ARSB: variants seen among roughly 807,000 people sequenced by gnomAD.
ARSB encodes the protein N-acetylgalactosamine-4-sulfatase.
In ARSB, 41 loss-of-function variants were observed where a neutral mutation model predicts 50.9. That is an observed-to-expected ratio of 0.81 (90% CI 0.63 to 1.04). The LOEUF is 1.04. Ranked by LOEUF, ARSB falls within the 50% of genes least tolerant of loss-of-function variation. The probability of loss-of-function intolerance (pLI) is 0.00; values close to 1 mark genes in which losing one functional copy is unlikely to be tolerated. For missense variants in ARSB, 672 were observed against 693.3 expected, an observed-to-expected ratio of 0.97 and a Z score of 0.35; for synonymous variants, 269 against 284.8, an observed-to-expected ratio of 0.94 and a Z score of 0.56.
At chr5:78,959,033 T>G (rs1477653458) in intron 3 of ARSB, among the ~76,000 whole-genome samples, 1 of 152,120 alleles carries the variant, frequency 6.6e-6, no homozygotes, top group Non-Finnish European at 1.5e-5. Flanking sequence ...CCACCCAAAT[T>G]TCATCTTTAA....
At chr5:78,891,697 G>A (rs535308101) in intron 4 of ARSB, among the ~76,000 whole-genome samples, 3 of 152,306 alleles carry the variant, frequency 2.0e-5, no homozygotes, top group Admixed American at 1.3e-4. Flanking sequence ...ACAGGGAGCA[G>A]GAGGCCTTAT....
chr5:78,864,766 G>A (rs1381593581), intron 5 of ARSB, among the ~76,000 whole-genome samples: 1 of 152,216 alleles, frequency 6.6e-6, no homozygotes, highest in Non-Finnish European at 1.5e-5. Flanking sequence ...GGGGGATACA[G>A]ACATTGGGTA....
intron 4 of ARSB, among the ~76,000 whole-genome samples, chr5:78,922,408 G>A (rs891112768): frequency 1.3e-5 from 2 of 151,898 alleles, no homozygotes; most frequent in African/African-American, 4.8e-5. Flanking sequence ...CCCATTCCAG[G>A]CCCTACCTCC....
At chr5:78,887,475 C>T (rs1580002985) in intron 4 of ARSB, among the ~76,000 whole-genome samples, 1 of 152,254 alleles carries the variant, frequency 6.6e-6, no homozygotes, top group East Asian at 1.9e-4. Context: ...AATTAGACTT[C>T]CACATGAGCT....
chr5:78,796,879 C>CTTTTTT (rs1342063568), intron 6 of ARSB, among the ~76,000 whole-genome samples: 7,425 of 126,030 alleles, frequency 0.059, 358 homozygotes, highest in Non-Finnish European at 0.091. Flanking sequence ...GTCTCGATCT[C>CTTTTTT]TTTTTTTTTT....
At chr5:78,944,002 T>G (rs1751077392) in intron 4 of ARSB, among the ~76,000 whole-genome samples, 1 of 152,186 alleles carries the variant, frequency 6.6e-6, no homozygotes. Context: ...TCTCTAAACT[T>G]CTCTTCTCAC....
At chr5:78,833,561 A>T (rs1441760972) in intron 6 of ARSB, among the ~76,000 whole-genome samples, 1 of 152,126 alleles carries the variant, frequency 6.6e-6, no homozygotes, top group Non-Finnish European at 1.5e-5. Context: ...GAGGCAGTGG[A>T]GGGAGGAAGG....
At chr5:78,928,083 A>G (rs763536944) in intron 4 of ARSB, among the ~76,000 whole-genome samples, 3 of 152,148 alleles carry the variant, frequency 2.0e-5, no homozygotes, top group South Asian at 2.1e-4. Flanking sequence ...GGGGAGTCAC[A>G]TTAACCATCA....
intron 4 of ARSB, among the ~76,000 whole-genome samples, chr5:78,946,585 G>A (rs1053991075): frequency 1.2e-4 from 18 of 152,044 alleles, no homozygotes; most frequent in African/African-American, 4.3e-4. Context: ...TAGTGAAAGG[G>A]CTCTACAATG....
intron 1 of ARSB, among the ~76,000 whole-genome samples, chr5:78,984,727 G>C (rs914961941): frequency 6.6e-6 from 1 of 152,062 alleles, no homozygotes; most frequent in Non-Finnish European, 1.5e-5. Context: ...GCGGGTCCGC[G>C]GGGCGCCAGA....
intron 6 of ARSB, among the ~76,000 whole-genome samples, chr5:78,806,049 T>A (rs1355847239): frequency 6.6e-6 from 1 of 152,262 alleles, no homozygotes; most frequent in East Asian, 1.9e-4. Context: ...ATTGGGTTTC[T>A]GTGAGCGTTA....
intron 4 of ARSB, among the ~76,000 whole-genome samples, chr5:78,897,827 G>T (rs1352552581): frequency 6.6e-6 from 1 of 151,722 alleles, no homozygotes; most frequent in African/African-American, 2.4e-5. Flanking sequence ...TGCACTAAAA[G>T]CTGCTTTAAT....
chr5:78,920,864 T>C (rs987734531), intron 4 of ARSB, among the ~76,000 whole-genome samples: 1 of 152,092 alleles, frequency 6.6e-6, no homozygotes, highest in Non-Finnish European at 1.5e-5. Flanking sequence ...CCTAACTTTT[T>C]CCCACCCTCC....
chr5:78,961,516 A>G (rs1319823897), intron 3 of ARSB, among the ~76,000 whole-genome samples: 1 of 152,174 alleles, frequency 6.6e-6, no homozygotes, highest in African/African-American at 2.4e-5. Context: ...TTCCATGGCT[A>G]GCAAGCTTTT....
chr5:78,867,546 C>T (rs1312929352), intron 5 of ARSB, among the ~76,000 whole-genome samples: 3 of 152,038 alleles, frequency 2.0e-5, no homozygotes, highest in Non-Finnish European at 4.4e-5. Context: ...AGGCACCCCC[C>T]AGCAGGGGCA....
intron 5 of ARSB, among the ~76,000 whole-genome samples, chr5:78,854,350 T>C (rs770141503): frequency 3.9e-5 from 6 of 152,266 alleles, no homozygotes; most frequent in Non-Finnish European, 7.3e-5. Context: ...ACTTTTTGGA[T>C]GTAGGCATCT....
At chr5:78,866,291 A>C (rs1746729450) in intron 5 of ARSB, among the ~76,000 whole-genome samples, 1 of 152,124 alleles carries the variant, frequency 6.6e-6, no homozygotes, top group African/African-American at 2.4e-5. Flanking sequence ...GCAAAACGAG[A>C]GCTTGCACAG....
intron 6 of ARSB, among the ~76,000 whole-genome samples, chr5:78,796,575 A>G (rs1743183158): frequency 6.6e-6 from 1 of 152,254 alleles, no homozygotes; most frequent in African/African-American, 2.4e-5. Context: ...AAGTGAGACA[A>G]TGCGTGCAAA....
At chr5:78,936,275 G>C (rs1318824768) in intron 4 of ARSB, among the ~76,000 whole-genome samples, 1 of 150,548 alleles carries the variant, frequency 6.6e-6, no homozygotes, top group Admixed American at 6.6e-5. Flanking sequence ...CAGGCACAAG[G>C]CATCATGCTG....
Sources: gnomAD v4.1 joint callset for allele counts (sites outside exome capture counted in the v4.1 genomes callset) on GRCh38, gnomAD v4.1.1 for gene constraint, MANE v1.5 for transcripts, NCBI Gene and HGNC (gene_info 2026-07-23, HGNC 2026-07-21) for gene names.